The following GALNT17 variants were observed in gnomAD, a reference collection of about 807,000 sequenced individuals.
GALNT17 encodes polypeptide N-acetylgalactosaminyltransferase 17.
GALNT17 carries 29 observed loss-of-function variants against 63.7 expected under a neutral mutation model. The observed-to-expected ratio is 0.46, with a 90% CI of 0.34 to 0.62. The LOEUF (loss-of-function observed/expected upper bound fraction) is 0.62, where lower values mean the gene tolerates loss of function less well. Among genes scored for constraint, GALNT17 ranks in the 20% least tolerant of loss-of-function variants. The pLI is 0.01. For synonymous variants in GALNT17, 305 were observed against 318.3 expected (o/e 0.96, Z 0.45); for missense variants, 603 against 799.6 (o/e 0.75, Z 2.97).
At chr7:71,479,450 A>G (rs1368383540) in intron 5 of GALNT17, among the ~76,000 whole-genome samples, 1 of 152,222 alleles carries the variant, frequency 6.6e-6, no homozygotes, top group Non-Finnish European at 1.5e-5. Context: ...ATTATAGCTC[A>G]GCATGGTTCA....
At chr7:71,663,553 C>T (rs1790939351) in intron 6 of GALNT17, among the ~76,000 whole-genome samples, 1 of 152,276 alleles carries the variant, frequency 6.6e-6, no homozygotes, top group East Asian at 1.9e-4. Context: ...GCTGTCCTGT[C>T]CCAGATCAAA....
chr7:71,439,303 A>G (rs1168949221), intron 5 of GALNT17, among the ~76,000 whole-genome samples: 1 of 152,328 alleles, frequency 6.6e-6, no homozygotes, highest in African/African-American at 2.4e-5. Flanking sequence ...ATGGGAGTGC[A>G]CTTACAGAAT....
intron 1 of GALNT17, among the ~76,000 whole-genome samples, chr7:71,237,919 C>A (rs1481453406): frequency 2.0e-5 from 3 of 152,118 alleles, no homozygotes; most frequent in Non-Finnish European, 2.9e-5. Context: ...TAGGGGGCAC[C>A]CGTTTCTATC....
intron 6 of GALNT17, among the ~76,000 whole-genome samples, chr7:71,657,902 A>G (rs146724891): frequency 0.036 from 512 of 14,270 alleles, no homozygotes; most frequent in Middle Eastern, 0.12. Context: ...GGATGGATGG[A>G]TGGGTGGATG....
chr7:71,638,984 A>G (rs1322605283), intron 6 of GALNT17, among the ~76,000 whole-genome samples: 1 of 152,152 alleles, frequency 6.6e-6, no homozygotes, highest in Non-Finnish European at 1.5e-5. Flanking sequence ...ATGGGTAAAA[A>G]ATAAAAAATA....
At chr7:71,416,456 A>C (rs978917181) in intron 4 of GALNT17, among the ~76,000 whole-genome samples, 1 of 152,030 alleles carries the variant, frequency 6.6e-6, no homozygotes, top group Non-Finnish European at 1.5e-5. Context: ...TACTAAAAAT[A>C]CAGAAATTAA....
At chr7:71,358,025 G>C (rs1266899092) in intron 2 of GALNT17, among the ~76,000 whole-genome samples, 2 of 152,180 alleles carry the variant, frequency 1.3e-5, no homozygotes, top group African/African-American at 4.8e-5. Flanking sequence ...AGCCAGCAGC[G>C]GCAACCCGCT....
chr7:71,394,994 C>T (rs559295018), intron 3 of GALNT17, among the ~76,000 whole-genome samples: 4 of 151,854 alleles, frequency 2.6e-5, no homozygotes, highest in Non-Finnish European at 5.9e-5. Context: ...CTGAGCTACT[C>T]GGGAGATGGG....
intron 1 of GALNT17, among the ~76,000 whole-genome samples, chr7:71,256,710 C>T (rs1349469955): frequency 6.6e-6 from 1 of 152,224 alleles, no homozygotes; most frequent in Non-Finnish European, 1.5e-5. Flanking sequence ...GAAGAAATCT[C>T]TCTAAATATT....
chr7:71,494,199 A>G (rs1584001106), intron 5 of GALNT17, among the ~76,000 whole-genome samples: 1 of 152,118 alleles, frequency 6.6e-6, no homozygotes, highest in African/African-American at 2.4e-5. Flanking sequence ...GAAACTGTCA[A>G]ACTCTTAGAA....
At chr7:71,524,400 C>T (rs907604038) in intron 5 of GALNT17, among the ~76,000 whole-genome samples, 55 of 151,412 alleles carry the variant, frequency 3.6e-4, no homozygotes, top group African/African-American at 1.3e-3. Context: ...TTGTGTGTGT[C>T]TGTTTTCCCG....
intron 2 of GALNT17, among the ~76,000 whole-genome samples, chr7:71,371,821 C>A (rs1460572343): frequency 2.0e-5 from 3 of 152,184 alleles, no homozygotes; most frequent in Non-Finnish European, 4.4e-5. Flanking sequence ...GGACCCCCAA[C>A]ACCATTTATT....
chr7:71,697,492 G>A (rs1399959020), intron 9 of GALNT17, among the ~76,000 whole-genome samples: 1 of 152,132 alleles, frequency 6.6e-6, no homozygotes, highest in African/African-American at 2.4e-5. Context: ...GGGACTCTGG[G>A]TGCGTAACAG....
intron 9 of GALNT17, among the ~76,000 whole-genome samples, chr7:71,694,359 A>ATT (rs34576267): frequency 0.53 from 73,288 of 138,648 alleles, 20,400 homozygotes; most frequent in Admixed American, 0.61. Context: ...AATTATCCCA[A>ATT]TTTTTTTTTT....
At chr7:71,698,973 A>G (rs1791585834) in intron 9 of GALNT17, among the ~76,000 whole-genome samples, 2 of 151,368 alleles carry the variant, frequency 1.3e-5, no homozygotes, top group Middle Eastern at 3.4e-3. Flanking sequence ...GGAGTTCGAG[A>G]CCAGCCTGGG....
intron 1 of GALNT17, among the ~76,000 whole-genome samples, chr7:71,297,839 G>A (rs1165154758): frequency 3.3e-5 from 5 of 152,190 alleles, no homozygotes; most frequent in African/African-American, 4.8e-5. Context: ...GACAGAAGGA[G>A]TACCTACTGC....
chr7:71,186,633 G>C (rs1180446358), intron 1 of GALNT17, among the ~76,000 whole-genome samples: 2 of 152,278 alleles, frequency 1.3e-5, no homozygotes, highest in African/African-American at 2.4e-5. Flanking sequence ...TTCATAAGCT[G>C]ATCAACTCTG....
chr7:71,648,723 C>T lies in GALNT17; in HGVS notation c.1081-16688C>T, dbSNP rs147934306. On this transcript the variant is annotated intron_variant, in intron 6 of 10. Coordinates refer to ENST00000333538, the MANE Select transcript of GALNT17 (RefSeq NM_022479.3). ...AAACACTGGGATTACAGGCATAAGC[C>T]ACCAAGCCTGGCCCTCAGCTGCGTT... Among the ~76,000 whole-genome samples, 730 of 152,296 alleles carry T rather than the reference C, an allele frequency of 4.8e-3. 7 individuals carry two copies. Among genetic ancestry groups the T allele is most frequent in the African/African-American group, 0.017 (705 of 41,568 alleles).
intron 5 of GALNT17, among the ~76,000 whole-genome samples, chr7:71,456,052 T>C (rs6947168): frequency 0.95 from 145,179 of 152,154 alleles, 69,267 homozygotes; most frequent in Admixed American, 0.96. Flanking sequence ...ATGAGACCAG[T>C]CTGGCCAACA....
Sources: gnomAD v4.1 joint callset for allele counts (sites outside exome capture counted in the v4.1 genomes callset) on GRCh38, gnomAD v4.1.1 for gene constraint, MANE v1.5 for transcripts, NCBI Gene and HGNC (gene_info 2026-07-23, HGNC 2026-07-21) for gene names.